RABEP1: variants seen among roughly 807,000 people sequenced by gnomAD.
RABEP1 encodes rabaptin, RAB GTPase binding effector protein 1.
In RABEP1, 51 loss-of-function variants were observed where a neutral mutation model predicts 123.4. The observed-to-expected ratio is 0.41, with a 90% CI of 0.33 to 0.52. The LOEUF (loss-of-function observed/expected upper bound fraction) is 0.52, where lower values mean the gene tolerates loss of function less well. Among genes scored for constraint, RABEP1 ranks in the 20% least tolerant of loss-of-function variants. The pLI is 0.16. For missense variants in RABEP1, 888 were observed against 996.3 expected, an observed-to-expected ratio of 0.89 and a Z score of 1.46; for synonymous variants, 347 against 355.2, an observed-to-expected ratio of 0.98 and a Z score of 0.26.
At position 5,331,037 on chromosome 17, in the gene RABEP1, T is replaced by G. The variant is rs1186819131; in HGVS notation, c.164-912T>G. 8.8e-5 allele frequency among the ~76,000 whole-genome samples: 10 copies of G among 113,820 alleles called. No homozygotes were observed. In the East Asian group the frequency reaches 3.5e-3, roughly 40 times the overall value. 74.7% of individuals were successfully genotyped at this position (113,820 alleles called of 152,430 possible). On this transcript the variant is annotated intron_variant, in intron 2 of 17. Coordinates refer to ENST00000537505, the MANE Select transcript of RABEP1 (RefSeq NM_004703.6). ...GACCCTATCTCTTAACTTTTTTTTTTTTTTTTTTTTTTTTTTTTAAAGAAA... is the reference window on the plus strand; with the variant it reads ...GACCCTATCTCTTAACTTTTTTTTTGTTTTTTTTTTTTTTTTTTAAAGAAA...
Position 5,365,235 on chromosome 17 carries a change from C to A in RABEP1, c.1782C>A (p.His594Gln), listed in dbSNP as rs371641660. Residue 594 changes from histidine to glutamine, a missense_variant, in exon 11 of 18, where the codon CAC (histidine) becomes CAA (glutamine). Transcript: ENST00000537505. ...AGCAAAGCAGCGAAGATTCGAGTCA[C>A]CAGGTAAGGGAGGGTTTATAGACTG... ...FIKQSSEDSS[H>Q]QISALVLRAQ... 1.5e-4 allele frequency: 245 copies of A among 1,602,132 alleles called. No homozygotes were observed. The highest frequency in any genetic ancestry group is 2.0e-4 in the Non-Finnish European group (230 of 1,174,076).
chr17:5,309,454 G>C (rs576159550), intron 2 of RABEP1, among the ~76,000 whole-genome samples: 12 of 151,900 alleles, frequency 7.9e-5, no homozygotes, highest in African/African-American at 2.9e-4. Context: ...GGGAGTTCAA[G>C]TCCAGCCTGG....
chr17:5,381,537 C>T (rs745779025), intron 17 of RABEP1, 32 bp downstream of exon 17: 12 of 1,599,068 alleles, frequency 7.5e-6, no homozygotes, highest in African/African-American at 1.3e-5. Context: ...ATACAGAGCA[C>T]GAAGGCAGTT....
intron 3 of RABEP1, 105 bp from the exon 4 acceptor site, chr17:5,335,079 C>T: frequency 1.1e-6 from 1 of 928,368 alleles, no homozygotes; most frequent in South Asian, 2.3e-5. Flanking sequence ...AAACATTTTC[C>T]AGAAATTAGA....
intron 8 of RABEP1, among the ~76,000 whole-genome samples, chr17:5,360,355 G>A (rs1402366222): frequency 2.0e-5 from 3 of 152,262 alleles, no homozygotes; most frequent in Admixed American, 2.0e-4. Flanking sequence ...GAGGTCAGGA[G>A]AGCGAGACCA....
At chr17:5,367,538 G>T (rs965877902) in intron 11 of RABEP1, among the ~76,000 whole-genome samples, 4 of 151,490 alleles carry the variant, frequency 2.6e-5, no homozygotes, top group African/African-American at 7.3e-5. Context: ...CAAAGTGCTA[G>T]GATTACAGGC....
chr17:5,359,205 C>T (rs1474258133), intron 8 of RABEP1, among the ~76,000 whole-genome samples: 2 of 152,076 alleles, frequency 1.3e-5, no homozygotes, highest in Non-Finnish European at 2.9e-5. Context: ...TCCCAAGTAG[C>T]TGGGACTACA....
Position 5,383,668 on chromosome 17 carries a change from G to A in RABEP1, c.*445G>A, listed in dbSNP as rs1013482555. The A allele has an allele frequency of 8.5e-6, 2 of 234,596 alleles. No homozygotes were observed. Among genetic ancestry groups the A allele is most frequent in the African/African-American group, 2.2e-5 (1 of 45,136 alleles). The allele number at this position is 234,596 out of a possible 1,614,324, so 14.5% of individuals were successfully genotyped here. A position where few individuals can be genotyped will look rare whatever the true frequency, so the allele number is the denominator to read the frequency against. ...CAGTATTCAGTTAGCAGACAGAAGT[G>A]TAGTATGCTGTATGAATATTTTATA... On this transcript the variant is annotated 3_prime_UTR_variant, in exon 18 of 18. Transcript: ENST00000537505.
intron 1 of RABEP1, among the ~76,000 whole-genome samples, chr17:5,292,180 A>G (rs896700009): frequency 6.6e-6 from 1 of 152,210 alleles, no homozygotes; most frequent in African/African-American, 2.4e-5. Context: ...ATCCTTGTCA[A>G]CGTGAAGTAT....
chr17:5,290,323 C>T (rs886745793), intron 1 of RABEP1, among the ~76,000 whole-genome samples: 12 of 152,276 alleles, frequency 7.9e-5, no homozygotes, highest in Admixed American at 5.9e-4. Context: ...CTCCTGACCT[C>T]GTGATCCACT....
At chr17:5,303,869 C>A (rs888375434) in intron 1 of RABEP1, among the ~76,000 whole-genome samples, 3 of 151,884 alleles carry the variant, frequency 2.0e-5, no homozygotes, top group Non-Finnish European at 4.4e-5. Context: ...CCCATCTCTA[C>A]TAAAAGTACA....
intron 1 of RABEP1, among the ~76,000 whole-genome samples, chr17:5,283,471 C>T (rs2074948462): frequency 6.6e-6 from 1 of 152,096 alleles, no homozygotes; most frequent in African/African-American, 2.4e-5. Flanking sequence ...CAGGTTTTAC[C>T]ACCTAGAATA....
intron 8 of RABEP1, among the ~76,000 whole-genome samples, chr17:5,355,755 G>A (rs1176929823): frequency 6.6e-6 from 1 of 152,148 alleles, no homozygotes; most frequent in Non-Finnish European, 1.5e-5. Flanking sequence ...ATTGTTTGAT[G>A]TTTAAGAAAA....
At chr17:5,326,963 A>G (rs1906035880) in intron 2 of RABEP1, among the ~76,000 whole-genome samples, 1 of 152,226 alleles carries the variant, frequency 6.6e-6, no homozygotes, top group Non-Finnish European at 1.5e-5. Context: ...TACATGGTAT[A>G]GCCTATTGCT....
intron 15 of RABEP1, 188 bp downstream of exon 15, chr17:5,378,420 G>A (rs1911179923): frequency 4.5e-6 from 3 of 673,626 alleles, no homozygotes; most frequent in Non-Finnish European, 2.7e-6. Context: ...CTGTGTGTCA[G>A]GCTACGTTAA....
chr17:5,356,693 C>G (rs185655512), intron 8 of RABEP1: 403 of 152,174 alleles, frequency 2.6e-3, no homozygotes, highest in Non-Finnish European at 4.9e-3. Flanking sequence ...CACTCTCACC[C>G]AGGCTGGAGT....
intron 1 of RABEP1, among the ~76,000 whole-genome samples, chr17:5,297,004 C>T (rs909967796): frequency 6.8e-6 from 1 of 148,136 alleles, no homozygotes; most frequent in Admixed American, 6.7e-5. Context: ...TCCATGAGTG[C>T]TGGGATTACA....
intron 5 of RABEP1, among the ~76,000 whole-genome samples, chr17:5,346,483 A>T (rs1392326612): frequency 6.6e-6 from 1 of 152,228 alleles, no homozygotes; most frequent in East Asian, 1.9e-4. Context: ...TGAAACAGAT[A>T]CATGCATATG....
intron 1 of RABEP1, among the ~76,000 whole-genome samples, chr17:5,301,396 A>T (rs9900288): frequency 0.023 from 3,519 of 152,268 alleles, 135 homozygotes; most frequent in African/African-American, 0.08. Flanking sequence ...GAAACTCATA[A>T]AATGGAAATT....
Sources: allele counts gnomAD v4.1 joint callset (sites outside exome capture counted in the v4.1 genomes callset), GRCh38; gene constraint gnomAD v4.1.1; transcripts MANE v1.5; gene names NCBI Gene and HGNC (gene_info 2026-07-23, HGNC 2026-07-21).